Variants in LINGO2 observed in about 807,000 individuals in gnomAD.
LINGO2 encodes the protein leucine-rich repeat and immunoglobulin-like domain-containing nogo receptor-interacting protein 2.
LINGO2 carries 14 observed loss-of-function variants against 30.6 expected under a neutral mutation model. The observed-to-expected ratio is 0.46, with a 90% CI of 0.30 to 0.72. The LOEUF (loss-of-function observed/expected upper bound fraction) is 0.72, where lower values mean the gene tolerates loss of function less well. LINGO2 is among the 30% of genes least tolerant of loss of function. LINGO2 has a pLI of 0.07. For synonymous variants in LINGO2, 317 were observed against 288.5 expected, an observed-to-expected ratio of 1.10 and a Z score of -1.00; for missense variants, 729 against 751.7, an observed-to-expected ratio of 0.97 and a Z score of 0.35.
intron 1 of LINGO2, among the ~76,000 whole-genome samples, chr9:28,664,682 T>C (rs550816979): frequency 6.6e-6 from 1 of 152,126 alleles, no homozygotes; most frequent in African/African-American, 2.4e-5. Flanking sequence ...AATGAGATCA[T>C]CATATCCTCT....
chr9:28,282,848 G>A (rs1159751649), intron 4 of LINGO2, among the ~76,000 whole-genome samples: 1 of 152,134 alleles, frequency 6.6e-6, no homozygotes, highest in Non-Finnish European at 1.5e-5. Flanking sequence ...TTTACTTTTA[G>A]TTCTTCTATA....
At chr9:28,004,742 C>T (rs1822175157) in intron 5 of LINGO2, among the ~76,000 whole-genome samples, 1 of 151,932 alleles carries the variant, frequency 6.6e-6, no homozygotes, top group Non-Finnish European at 1.5e-5. Context: ...GTTTTGAAGA[C>T]AGGTAAGAGA....
chr9:29,058,293 A>G, the LINGO2 span, among the ~76,000 whole-genome samples: 8 of 152,162 alleles, frequency 5.3e-5, no homozygotes, highest in African/African-American at 1.9e-4. Context: ...TGAAAAAGAC[A>G]TCTTAGGAAG....
At chr9:29,026,025 C>T in the LINGO2 span, among the ~76,000 whole-genome samples, 21 of 151,834 alleles carry the variant, frequency 1.4e-4, no homozygotes, top group Non-Finnish European at 2.8e-4. Flanking sequence ...TATATTATTG[C>T]TTTTCTTTTT....
At chr9:28,083,180 C>T (rs1825820009) in intron 4 of LINGO2, among the ~76,000 whole-genome samples, 1 of 152,194 alleles carries the variant, frequency 6.6e-6, no homozygotes. Flanking sequence ...ATAGGACCTG[C>T]TTTTGGTGAG....
chr9:28,227,900 T>G (rs942983023), intron 4 of LINGO2, among the ~76,000 whole-genome samples: 20 of 152,004 alleles, frequency 1.3e-4, no homozygotes, highest in Admixed American at 6.6e-5. Context: ...TTCCACAATT[T>G]AGCAAAAAGC....
At chr9:28,267,512 T>C (rs1473930173) in intron 4 of LINGO2, among the ~76,000 whole-genome samples, 1 of 151,998 alleles carries the variant, frequency 6.6e-6, no homozygotes, top group African/African-American at 2.4e-5. Context: ...TACTTTCATA[T>C]TCACTTTCCA....
chr9:28,504,529 A>G (rs1820024028), intron 1 of LINGO2, among the ~76,000 whole-genome samples: 1 of 151,828 alleles, frequency 6.6e-6, no homozygotes, highest in African/African-American at 2.4e-5. Context: ...GCACAATTCT[A>G]ACATGATTGT....
At chr9:28,150,158 C>G (rs979083560) in intron 4 of LINGO2, among the ~76,000 whole-genome samples, 1 of 141,050 alleles carries the variant, frequency 7.1e-6, no homozygotes, top group South Asian at 2.4e-4. Flanking sequence ...GCCCCCTCAC[C>G]GTTTGTAAGG....
intron 3 of LINGO2, among the ~76,000 whole-genome samples, chr9:28,318,024 G>A (rs1587457878): frequency 6.6e-6 from 1 of 152,174 alleles, no homozygotes; most frequent in South Asian, 2.1e-4. Flanking sequence ...CACATATGCT[G>A]CAGCCATACA....
At chr9:28,092,815 T>A (rs1235846622) in intron 4 of LINGO2, among the ~76,000 whole-genome samples, 2 of 152,120 alleles carry the variant, frequency 1.3e-5, no homozygotes, top group Non-Finnish European at 2.9e-5. Context: ...AATAAGAATG[T>A]GACATCCTTA....
chr9:28,462,670 T>C (rs1292610965), intron 2 of LINGO2, among the ~76,000 whole-genome samples: 1 of 152,052 alleles, frequency 6.6e-6, no homozygotes, highest in Non-Finnish European at 1.5e-5. Context: ...ATCATAATTC[T>C]TGCTCACACT....
At chr9:29,067,755 GA>G in the LINGO2 span, among the ~76,000 whole-genome samples, 60,473 of 124,294 alleles carry the variant, frequency 0.49, 13,045 homozygotes, top group East Asian at 0.57. Context: ...GTATTTAAAT[GA>G]AAAAAAAAAA....
chr9:29,120,233 T>C, the LINGO2 span, among the ~76,000 whole-genome samples: 1 of 152,082 alleles, frequency 6.6e-6, no homozygotes, highest in Non-Finnish European at 1.5e-5. Context: ...CTCTCAAACA[T>C]AAATTCAACA....
chr9:29,158,713 C>T, the LINGO2 span, among the ~76,000 whole-genome samples: 1 of 152,126 alleles, frequency 6.6e-6, no homozygotes, highest in Non-Finnish European at 1.5e-5. Context: ...TTTAGTTACT[C>T]AAGGAGATAC....
chr9:28,146,968 C>T (rs1827832207), intron 4 of LINGO2, among the ~76,000 whole-genome samples: 1 of 152,226 alleles, frequency 6.6e-6, no homozygotes, highest in African/African-American at 2.4e-5. Context: ...TCTTTACATA[C>T]TTGGATCCTT....
intron 5 of LINGO2, among the ~76,000 whole-genome samples, chr9:27,976,677 C>G (rs1012527047): frequency 3.3e-5 from 5 of 151,954 alleles, no homozygotes; most frequent in Admixed American, 3.3e-4. Context: ...CTACTTTTGC[C>G]CACTATACCA....
At chr9:28,556,718 G>A (rs1822721655) in intron 1 of LINGO2, among the ~76,000 whole-genome samples, 1 of 151,870 alleles carries the variant, frequency 6.6e-6, no homozygotes, top group Non-Finnish European at 1.5e-5. Flanking sequence ...AACAAAGCTG[G>A]AGGCATCACA....
intron 4 of LINGO2, among the ~76,000 whole-genome samples, chr9:28,111,230 C>T (rs117255791): frequency 0.037 from 5,624 of 151,974 alleles, 159 homozygotes; most frequent in Non-Finnish European, 0.057. Flanking sequence ...ACACCCGGGC[C>T]TATCGGGGGC....
Sources: gnomAD v4.1 joint callset for allele counts (sites outside exome capture counted in the v4.1 genomes callset) on GRCh38, gnomAD v4.1.1 for gene constraint, MANE v1.5 for transcripts, NCBI Gene and HGNC (gene_info 2026-07-23, HGNC 2026-07-21) for gene names.